Variants in BICDL1 observed in about 807,000 individuals in gnomAD.
BICDL1 encodes BICD family like cargo adaptor 1.
A neutral mutation model predicts 76.8 loss-of-function variants in BICDL1; 20 were observed. The ratio of observed to expected loss-of-function variants is 0.26; its 90% CI spans 0.18 to 0.38. The LOEUF (loss-of-function observed/expected upper bound fraction) is 0.38, where lower values mean the gene tolerates loss of function less well. Ranked by LOEUF, BICDL1 falls within the 10% of genes least tolerant of loss-of-function variation. The pLI is 1.00. For synonymous variants in BICDL1, 383 were observed against 337.1 expected, an observed-to-expected ratio of 1.14 and a Z score of -1.49; for missense variants, 700 against 798.6, an observed-to-expected ratio of 0.88 and a Z score of 1.49.
chr12:120,039,784 A>G (rs565141044), intron 2 of BICDL1, among the ~76,000 whole-genome samples: 2 of 152,040 alleles, frequency 1.3e-5, no homozygotes, highest in South Asian at 4.2e-4. Context: ...GGGCTCTTCC[A>G]CCCTCCCCCA....
At chr12:120,059,241 C>T (rs773124563) in intron 2 of BICDL1, among the ~76,000 whole-genome samples, 4 of 152,124 alleles carry the variant, frequency 2.6e-5, no homozygotes, top group South Asian at 2.1e-4. Context: ...ACTATAGGCA[C>T]GCACCACCAT....
At chr12:119,995,589 CTT>C (rs1014219938) in intron 1 of BICDL1, among the ~76,000 whole-genome samples, 2 of 152,178 alleles carry the variant, frequency 1.3e-5, no homozygotes, top group South Asian at 4.1e-4. Context: ...TCTGCTGAAT[CTT>C]TTTCATTTTG....
chr12:120,072,122 C>T (rs143127212), intron 5 of BICDL1, among the ~76,000 whole-genome samples: 1 of 152,386 alleles, frequency 6.6e-6, no homozygotes, highest in Non-Finnish European at 1.5e-5. Context: ...ACCTGTTATA[C>T]TGACAGAGTT....
At chr12:120,042,526 C>T (rs562366500) in intron 2 of BICDL1, among the ~76,000 whole-genome samples, 18 of 152,132 alleles carry the variant, frequency 1.2e-4, no homozygotes, top group Non-Finnish European at 1.5e-4. Context: ...TAAGTCAGGC[C>T]GGGCGTGGTG....
intron 2 of BICDL1, among the ~76,000 whole-genome samples, chr12:120,056,835 G>C (rs1183206666): frequency 6.6e-6 from 1 of 152,176 alleles, no homozygotes; most frequent in Admixed American, 6.5e-5. Context: ...GCCAGGCCTC[G>C]AGCATGAGCA....
intron 2 of BICDL1, among the ~76,000 whole-genome samples, chr12:120,053,336 G>A (rs892882060): frequency 6.6e-6 from 1 of 152,072 alleles, no homozygotes; most frequent in Admixed American, 6.5e-5. Flanking sequence ...CACCCGCCTC[G>A]GCCTTCCAAA....
chr12:120,004,493 T>G (rs1951816330), intron 2 of BICDL1, among the ~76,000 whole-genome samples: 1 of 152,202 alleles, frequency 6.6e-6, no homozygotes, highest in African/African-American at 2.4e-5. Context: ...AAGTTATGCC[T>G]AGGTCCAAGG....
intron 8 of BICDL1, among the ~76,000 whole-genome samples, chr12:120,087,829 T>TA (rs1422256831): frequency 6.6e-6 from 1 of 152,136 alleles, no homozygotes; most frequent in African/African-American, 2.4e-5. Flanking sequence ...AATGTGAAAA[T>TA]AAAAAAATGC....
intron 2 of BICDL1, among the ~76,000 whole-genome samples, chr12:120,008,944 G>T (rs1457873241): frequency 6.7e-6 from 1 of 149,730 alleles, no homozygotes; most frequent in Non-Finnish European, 1.5e-5. Flanking sequence ...CGGCATAGAG[G>T]TGTTTTTTTT....
intron 1 of BICDL1, among the ~76,000 whole-genome samples, chr12:119,996,393 C>T (rs1404294054): frequency 6.6e-6 from 1 of 152,086 alleles, no homozygotes. Flanking sequence ...ATGAAGGAGG[C>T]TAATCTCATT....
chr12:120,008,150 C>CTTTT (rs71072590), intron 2 of BICDL1, among the ~76,000 whole-genome samples: 7 of 61,716 alleles, frequency 1.1e-4, no homozygotes, highest in Non-Finnish European at 1.4e-4. Flanking sequence ...ATTACTCTTT[C>CTTTT]TTTTTTTTTT....
intron 2 of BICDL1, among the ~76,000 whole-genome samples, chr12:120,040,413 T>G (rs1317101541): frequency 6.6e-6 from 1 of 151,932 alleles, no homozygotes; most frequent in African/African-American, 2.4e-5. Context: ...TTCTTTCTTT[T>G]CTTTTCTTTT....
intron 8 of BICDL1, among the ~76,000 whole-genome samples, chr12:120,087,252 C>T (rs1163016843): frequency 1.3e-5 from 2 of 152,236 alleles, no homozygotes; most frequent in African/African-American, 4.8e-5. Context: ...ATCCATTAGA[C>T]GGGCTCGGGT....
chr12:120,004,875 G>A (rs1250714926), intron 2 of BICDL1, among the ~76,000 whole-genome samples: 1 of 152,198 alleles, frequency 6.6e-6, no homozygotes, highest in African/African-American at 2.4e-5. Flanking sequence ...AGGCTGGAGT[G>A]CAATGGCACG....
chr12:120,026,830 T>C (rs988704769), intron 2 of BICDL1, among the ~76,000 whole-genome samples: 1 of 152,188 alleles, frequency 6.6e-6, no homozygotes, highest in South Asian at 2.1e-4. Flanking sequence ...CCAGCATTAC[T>C]GTGAGGTCTC....
At chr12:120,040,029 G>C (rs1283810298) in intron 2 of BICDL1, among the ~76,000 whole-genome samples, 1 of 152,118 alleles carries the variant, frequency 6.6e-6, no homozygotes, top group South Asian at 2.1e-4. Flanking sequence ...GTCCCACTGG[G>C]ATGTTACCAG....
At chr12:120,085,243 C>T (rs1054184764) in intron 8 of BICDL1, among the ~76,000 whole-genome samples, 6 of 151,394 alleles carry the variant, frequency 4.0e-5, no homozygotes, top group Non-Finnish European at 7.4e-5. Context: ...GTCAGGTGTT[C>T]GAGACCAACC....
At chr12:120,058,928 G>C (rs1200306086) in intron 2 of BICDL1, among the ~76,000 whole-genome samples, 2 of 151,452 alleles carry the variant, frequency 1.3e-5, no homozygotes, top group African/African-American at 4.8e-5. Context: ...GAAATGCCTA[G>C]CATTGAAAAA....
intron 4 of BICDL1, among the ~76,000 whole-genome samples, chr12:120,066,899 A>G (rs996447767): frequency 6.6e-6 from 1 of 152,216 alleles, no homozygotes; most frequent in Non-Finnish European, 1.5e-5. Flanking sequence ...CTTGGAATGT[A>G]CTTAATCCTT....
Sources: gnomAD v4.1 joint callset for allele counts (sites outside exome capture counted in the v4.1 genomes callset) on GRCh38, gnomAD v4.1.1 for gene constraint, MANE v1.5 for transcripts, NCBI Gene and HGNC (gene_info 2026-07-23, HGNC 2026-07-21) for gene names.